Variants in PTPRF observed in about 807,000 individuals in gnomAD.
PTPRF encodes receptor-type tyrosine-protein phosphatase F.
PTPRF carries 59 observed loss-of-function variants against 201.8 expected under a neutral mutation model. That is an observed-to-expected ratio of 0.29 (90% confidence interval 0.24 to 0.36). The LOEUF (loss-of-function observed/expected upper bound fraction) is 0.36. Among genes scored for constraint, PTPRF ranks in the 10% least tolerant of loss-of-function variants. PTPRF has a pLI of 1.00. For missense variants in PTPRF, 2,132 were observed against 2,690.5 expected (o/e 0.79, Z 4.59); for synonymous variants, 1,088 against 1,089.7 (o/e 1.00, Z 0.03).
chr1:43,598,139 A>C, intron 12 of PTPRF, 86 bp downstream of exon 12: 1 of 1,310,350 alleles, frequency 7.6e-7, no homozygotes, highest in Non-Finnish European at 1.0e-6. Flanking sequence ...TTTCCTGAAC[A>C]CAGGCCCAGG....
chr1:43,613,173 A>G (rs1656905365), intron 22 of PTPRF: 2 of 312,990 alleles, frequency 6.4e-6, no homozygotes, highest in South Asian at 2.8e-5. Context: ...CACTCCATCT[A>G]CACACTTGGT....
rs1296446441 is a variant in PTPRF, at chr1:43,617,468, C to T, written c.4095C>T (p.Phe1365=). The change falls in exon 24 of 34, where the codon TTC becomes TTT. Residue 1365 remains phenylalanine, a synonymous_variant. Transcript: ENST00000359947. ...AGTCCATCGACCCTGGACAGCAGTT[C>T]ACGTGGGAGAATTCAAACCTGGAGG... ...EYESIDPGQQ[F]TWENSNLEVN... 6.2e-7 allele frequency: 1 copy of T among 1,614,070 alleles called. No homozygotes were observed. Among genetic ancestry groups the T allele is most frequent in the African/African-American group, 1.3e-5 (1 of 74,924 alleles).
Position 43,596,767 on chromosome 1 carries a change from G to A in PTPRF, c.1814-981G>A, listed in dbSNP as rs532647730. ...GTTCTCCATATGTGGCTGTGTGTGC[G>A]GGTGGCAGTGGGATGGCCACGTGCT... is the stretch of plus-strand genomic sequence containing the variant. On this transcript the variant is annotated intron_variant, in intron 11 of 33. Transcript: ENST00000359947. Among the ~76,000 whole-genome samples the A allele has an allele frequency of 2.1e-3, 317 of 152,302 alleles. 2 individuals are homozygous for A. Among genetic ancestry groups the A allele is most frequent in the Non-Finnish European group, 3.4e-3 (231 of 68,016 alleles).
intron 23 of PTPRF, among the ~76,000 whole-genome samples, chr1:43,616,350 G>T (rs1365980271): frequency 6.6e-6 from 1 of 151,742 alleles, no homozygotes; most frequent in Non-Finnish European, 1.5e-5. Flanking sequence ...GCTCTCCGAG[G>T]TGAAGAAGAG....
intron 2 of PTPRF, among the ~76,000 whole-genome samples, chr1:43,543,214 C>T (rs1192586686): frequency 2.0e-5 from 3 of 152,236 alleles, no homozygotes; most frequent in Admixed American, 6.5e-5. Flanking sequence ...CATAGTCCAC[C>T]ACCTGATGGC....
chr1:43,550,678 A>G (rs1423732664), intron 3 of PTPRF, among the ~76,000 whole-genome samples: 1 of 152,238 alleles, frequency 6.6e-6, no homozygotes, highest in Non-Finnish European at 1.5e-5. Flanking sequence ...AAAAGTAATA[A>G]TCTCACACGT....
rs572056581 is a variant in PTPRF, at chr1:43,568,429, A to T, written c.380-1161A>T. Among the ~76,000 whole-genome samples, 4 of 152,256 alleles carry T rather than the reference A, an allele frequency of 2.6e-5. No individual in the cohort carries two copies. The South Asian group carries it at 8.3e-4, about 32-fold the overall frequency. ...CTGCCCCAGTGGCTCAGCCCTTACT[A>T]GTTACACCAGCTAATATTCACTGGG... On this transcript the variant is annotated intron_variant, in intron 5 of 33. Transcript: ENST00000359947.
At chr1:43,531,933 C>T (rs1393874855) in intron 1 of PTPRF, among the ~76,000 whole-genome samples, 1 of 152,200 alleles carries the variant, frequency 6.6e-6, no homozygotes, top group Non-Finnish European at 1.5e-5. Flanking sequence ...GTCAGTGCCT[C>T]CCAATCTCAC....
Position 43,588,336 on chromosome 1 carries a change from C to T in PTPRF, c.680-395C>T, listed in dbSNP as rs1649708645. 6.6e-6 allele frequency among the ~76,000 whole-genome samples: 1 copy of T among 152,198 alleles called. No individual in the cohort carries two copies. Among genetic ancestry groups the T allele is most frequent in the South Asian group, 2.1e-4 (1 of 4,836 alleles). On this transcript the variant is annotated intron_variant, in intron 7 of 33. Transcript: ENST00000359947. The surrounding 1 kb of genome is among the most constrained non-coding windows in gnomAD (Gnocchi z 5.3). ...TGCTTTCTCTCCTTGGTGCTCCAGC[C>T]AGGAGCAGGCAGAGATAGGCCCTGG...
At chr1:43,612,429 G>A (rs1188384362) in intron 22 of PTPRF, among the ~76,000 whole-genome samples, 4 of 152,106 alleles carry the variant, frequency 2.6e-5, no homozygotes, top group African/African-American at 2.4e-5. Context: ...TCTGAAAATC[G>A]CCAAGGGCAA....
intron 13 of PTPRF, among the ~76,000 whole-genome samples, chr1:43,600,359 G>A (rs1329946500): frequency 6.6e-6 from 1 of 152,192 alleles, no homozygotes; most frequent in Non-Finnish European, 1.5e-5. Context: ...AGCTGGGCCA[G>A]AGGCTCAGGG....
intron 3 of PTPRF, among the ~76,000 whole-genome samples, chr1:43,549,991 A>G (rs1263782362): frequency 6.6e-6 from 1 of 152,192 alleles, no homozygotes; most frequent in African/African-American, 2.4e-5. Context: ...TGTGCTCCCC[A>G]AAGATCCTCT....
At chr1:43,572,845 C>T (rs1646666396) in intron 6 of PTPRF, among the ~76,000 whole-genome samples, 2 of 152,068 alleles carry the variant, frequency 1.3e-5, no homozygotes, top group African/African-American at 2.4e-5. Context: ...CCTAGGAGCT[C>T]CCCTGTGAGA....
chr1:43,526,130 A>G (rs527886606), upstream of PTPRF, among the ~76,000 whole-genome samples: 6 of 152,172 alleles, frequency 3.9e-5, no homozygotes, highest in Non-Finnish European at 8.8e-5. Context: ...GGGGAGACAG[A>G]GCGGAAGGAG....
intron 14 of PTPRF, 23 bp downstream of exon 14, chr1:43,602,120 C>G (rs143598132): frequency 4.3e-6 from 7 of 1,609,804 alleles, no homozygotes; most frequent in Non-Finnish European, 6.0e-6. Flanking sequence ...TGTGCGAACG[C>G]GGACAAGACA....
intron 22 of PTPRF, among the ~76,000 whole-genome samples, chr1:43,611,449 G>T (rs1258534937): frequency 1.3e-5 from 2 of 152,196 alleles, no homozygotes; most frequent in African/African-American, 4.8e-5. Context: ...TCTGCAGCAT[G>T]AGAGTTAGGG....
At chr1:43,602,045 C>G (rs199814164) in intron 13 of PTPRF, 26 bp from the exon 14 acceptor site, 6 of 1,609,692 alleles carry the variant, frequency 3.7e-6, no homozygotes, top group Non-Finnish European at 5.1e-6. Context: ...ATCCTGTCTC[C>G]CTTTCTCTCC....
intron 11 of PTPRF, among the ~76,000 whole-genome samples, chr1:43,596,658 G>A (rs1472164047): frequency 6.6e-6 from 1 of 152,230 alleles, no homozygotes; most frequent in Non-Finnish European, 1.5e-5. Context: ...GCAGGCACAG[G>A]TGAAGGCTGC....
At chr1:43,581,530 A>T (rs1480057254) in intron 7 of PTPRF, among the ~76,000 whole-genome samples, 3 of 152,192 alleles carry the variant, frequency 2.0e-5, no homozygotes, top group Non-Finnish European at 4.4e-5. Context: ...CACACCTGAA[A>T]GGCCCTGCTC....
Sources: allele counts gnomAD v4.1 joint callset (sites outside exome capture counted in the v4.1 genomes callset), GRCh38; gene constraint gnomAD v4.1.1; non-coding constraint Gnocchi (gnomAD v3.1); transcripts MANE v1.5; gene names NCBI Gene and HGNC (gene_info 2026-07-23, HGNC 2026-07-21).